Variants in HOXB3 observed in about 807,000 individuals in gnomAD.
The protein encoded by HOXB3 is homeobox protein Hox-B3.
A neutral mutation model predicts 29.2 loss-of-function variants in HOXB3; 17 were observed. That is an observed-to-expected ratio of 0.58 (90% CI 0.40 to 0.87). The LOEUF (loss-of-function observed/expected upper bound fraction) is 0.87, where lower values mean the gene tolerates loss of function less well. HOXB3 is among the 40% of genes least tolerant of loss of function. The pLI is 0.00. For synonymous variants in HOXB3, 317 were observed against 285.9 expected (o/e 1.11, Z -1.10); for missense variants, 637 against 616.3 (o/e 1.03, Z -0.35).
chr17:48,572,681 T>C (rs2069623247), intron 2 of HOXB3, among the ~76,000 whole-genome samples: 1 of 152,198 alleles, frequency 6.6e-6, no homozygotes, highest in Non-Finnish European at 1.5e-5. Context: ...AACTGGACCC[T>C]TGGGCTAAAA....
chr17:48,589,362 G>T (rs1036209664), intron 1 of HOXB3, among the ~76,000 whole-genome samples: 1 of 152,290 alleles, frequency 6.6e-6, no homozygotes, highest in East Asian at 1.9e-4. Flanking sequence ...AAGAGAAGAA[G>T]CTCTTCCCTT....
At chr17:48,588,100 G>A (rs545451013) in intron 1 of HOXB3, among the ~76,000 whole-genome samples, 2 of 152,370 alleles carry the variant, frequency 1.3e-5, no homozygotes, top group African/African-American at 4.8e-5. Flanking sequence ...GAGGACAGAG[G>A]TCTGGGGCAG....
At chr17:48,578,083 T>TGGTGGCGGAGGC (rs2069829244) in intron 1 of HOXB3, 1 of 103,616 alleles carries the variant, frequency 9.7e-6, no homozygotes, top group Non-Finnish European at 1.5e-5. Context: ...GCGGCGGGGG[T>TGGTGGCGGAGGC]GGTGGCGGAG....
At chr17:48,579,513 G>A (rs1396612414) in intron 1 of HOXB3, 2 of 152,560 alleles carry the variant, frequency 1.3e-5, no homozygotes, top group African/African-American at 4.8e-5. Flanking sequence ...GCACACTGAA[G>A]ACAAGTCATT....
chr17:48,563,476 CAT>C (rs1039286460), intron 2 of HOXB3, among the ~76,000 whole-genome samples: 3 of 152,242 alleles, frequency 2.0e-5, no homozygotes, highest in Non-Finnish European at 4.4e-5. Flanking sequence ...AATACACAAA[CAT>C]ACCTACACAT....
At chr17:48,577,041 G>A in intron 1 of HOXB3, 9 of 1,545,952 alleles carry the variant, frequency 5.8e-6, no homozygotes, top group Non-Finnish European at 7.8e-6. Flanking sequence ...ACGGAGAGAG[G>A]GAGAAAGAGA....
At chr17:48,558,147 C>A (rs762539090) in intron 2 of HOXB3, among the ~76,000 whole-genome samples, 102 of 152,258 alleles carry the variant, frequency 6.7e-4, no homozygotes, top group African/African-American at 2.4e-3. Context: ...AAGAGGAGAA[C>A]CTGATCGCTT....
chr17:48,569,883 T>C (rs1335550201), intron 2 of HOXB3, among the ~76,000 whole-genome samples: 3 of 152,196 alleles, frequency 2.0e-5, no homozygotes, highest in Middle Eastern at 3.2e-3. Flanking sequence ...TGTTGTGTTG[T>C]TACTACTATA....
At chr17:48,566,550 G>A (rs895213751) in intron 2 of HOXB3, among the ~76,000 whole-genome samples, 5 of 152,162 alleles carry the variant, frequency 3.3e-5, no homozygotes, top group African/African-American at 4.8e-5. Flanking sequence ...ATGGAAAAGG[G>A]TTGGGGAGGA....
chr17:48,552,245 C>T lies in HOXB3; in HGVS notation c.230G>A (p.Gly77Asp). 2 of 1,613,122 alleles carry T rather than the reference C, an allele frequency of 1.2e-6. No homozygotes were observed. Among genetic ancestry groups the T allele is most frequent in the Non-Finnish European group, 1.7e-6 (2 of 1,179,828 alleles). ...GGCCGACAGGGGCTCGGGGGCCAGA[C>T]CCGGCCTCATGCAGCTGCCGTTGAG... ...KELNGSCMRPGLAPEPLSAPP... is the reference protein window; with the variant it reads ...KELNGSCMRPDLAPEPLSAPP... The change falls in exon 4 of 5, where the codon GGT (glycine) becomes GAT (aspartate). Residue 77 changes from glycine (G) to aspartate (D), a missense_variant. By Grantham distance (94) the Gly-to-Asp change is moderately conservative (BLOSUM62 -1). Transcript: ENST00000498678.
At chr17:48,567,890 G>T (rs566888283) in intron 2 of HOXB3, among the ~76,000 whole-genome samples, 1 of 152,160 alleles carries the variant, frequency 6.6e-6, no homozygotes, top group Non-Finnish European at 1.5e-5. Flanking sequence ...AGGAGGGTGG[G>T]GAGCCAAAGC....
intron 2 of HOXB3, among the ~76,000 whole-genome samples, chr17:48,571,342 C>T (rs957444386): frequency 1.3e-5 from 2 of 152,218 alleles, no homozygotes; most frequent in African/African-American, 2.4e-5. Flanking sequence ...CCACTGCCAG[C>T]GCTGGGGCCG....
rs2068616886 is a variant in HOXB3 at position 48,549,047 on chromosome 17, T to A, written c.*1287A>T. The A allele has an allele frequency of 6.5e-6, 1 of 152,810 alleles. No homozygotes were observed. Among genetic ancestry groups the A allele is most frequent in the Non-Finnish European group, 1.5e-5 (1 of 68,042 alleles). The allele number at this position is 152,810 out of a possible 1,614,324, so 9.5% of individuals were successfully genotyped here. On this transcript the variant is annotated 3_prime_UTR_variant, in exon 5 of 5. Transcript: ENST00000498678. ...TGAGTTCATGCCTTTTAGAACTAAT[T>A]ACAATTGTTCGTAAGTACGAGTTTA...
intron 2 of HOXB3, chr17:48,556,424 TG>T (rs1308022648): frequency 6.6e-6 from 1 of 152,192 alleles, no homozygotes; most frequent in Non-Finnish European, 1.5e-5. Flanking sequence ...CCTCACACTC[TG>T]GCTCCCTCCT....
In HOXB3 at chr17:48,573,941, AT is replaced by A. The variant is rs2144867675; in HGVS notation, c.-352del. Reference sequence around the variant, plus strand: ...AAAGTTTTCAACTTTATGGTTCCAAATTTTTTCCCCCTTGCAGATCCGGGAG... The same window carrying A: ...AAAGTTTTCAACTTTATGGTTCCAAATTTTTCCCCCTTGCAGATCCGGGAG... On this transcript the variant is annotated 5_prime_UTR_variant, in exon 2 of 5. Coordinates refer to ENST00000498678, the MANE Select transcript of HOXB3 (RefSeq NM_001384749.1). 2 of 695,972 alleles carry A rather than the reference AT, an allele frequency of 2.9e-6. No individual in the cohort carries two copies. The highest frequency in any genetic ancestry group is 1.8e-5 in the African/African-American group (1 of 56,790). 43.1% of individuals were successfully genotyped at this position (695,972 alleles called of 1,614,324 possible).
Position 48,552,637 on chromosome 17 carries a change from G to C in HOXB3, c.-158-5C>G. The C allele has an allele frequency of 3.5e-6, 2 of 570,506 alleles. No homozygotes were observed. Among genetic ancestry groups the C allele is most frequent in the East Asian group, 5.8e-5 (2 of 34,324 alleles). The allele number at this position is 570,506 out of a possible 1,614,324, so 35.3% of individuals were successfully genotyped here. A position where few individuals can be genotyped will look rare whatever the true frequency, so the allele number is the denominator to read the frequency against. On this transcript the variant is annotated splice_region_variant and splice_polypyrimidine_tract_variant and intron_variant, in intron 3 of 4. Transcript: ENST00000498678. ...GGTCTGTTCCAAGCGGCTGACCTGCGAGGCGAGAGAAGAGACACAAGGGGG... is the reference window on the plus strand; with the variant it reads ...GGTCTGTTCCAAGCGGCTGACCTGCCAGGCGAGAGAAGAGACACAAGGGGG...
At chr17:48,582,066 C>T (rs186991214) in intron 1 of HOXB3, 241 of 152,518 alleles carry the variant, frequency 1.6e-3, no homozygotes, top group African/African-American at 5.6e-3. Context: ...CTTCTCCTGG[C>T]AGCCACAGGT....
intron 2 of HOXB3, among the ~76,000 whole-genome samples, chr17:48,562,979 G>A (rs573608016): frequency 6.6e-6 from 1 of 152,238 alleles, no homozygotes; most frequent in East Asian, 1.9e-4. Context: ...AGATTTTGGG[G>A]GAATTCGAGC....
chr17:48,576,584 C>T, intron 1 of HOXB3: 1 of 668,898 alleles, frequency 1.5e-6, no homozygotes. Flanking sequence ...TGCGTTTATT[C>T]GTATATAAAG....
Sources: gnomAD v4.1 joint callset for allele counts (sites outside exome capture counted in the v4.1 genomes callset) on GRCh38, gnomAD v4.1.1 for gene constraint, MANE v1.5 for transcripts, NCBI Gene and HGNC (gene_info 2026-07-23, HGNC 2026-07-21) for gene names.